Variants in MAGI1 observed in about 807,000 individuals in gnomAD.
The protein encoded by MAGI1 is membrane associated guanylate kinase, WW and PDZ domain containing 1, also known as membrane-associated guanylate kinase, WW and PDZ domain-containing protein 1.
In MAGI1, 58 loss-of-function variants were observed where a neutral mutation model predicts 139.9. The ratio of observed to expected loss-of-function variants is 0.41; its 90% confidence interval spans 0.34 to 0.52. MAGI1 has a LOEUF of 0.52. Among genes scored for constraint, MAGI1 ranks in the 20% least tolerant of loss-of-function variants. The pLI, the probability that MAGI1 is intolerant of heterozygous loss-of-function variation, is 0.12. For missense variants in MAGI1, 1,874 were observed against 1,901.6 expected (o/e 0.99, Z 0.27); for synonymous variants, 812 against 737.9 (o/e 1.10, Z -1.63).
intron 7 of MAGI1, among the ~76,000 whole-genome samples, chr3:65,443,420 C>G (rs997806728): frequency 6.6e-6 from 1 of 152,192 alleles, no homozygotes; most frequent in African/African-American, 2.4e-5. Flanking sequence ...CCTGTGAAAG[C>G]AGTAACACAG....
chr3:65,410,176 G>A (rs942620016), intron 12 of MAGI1, among the ~76,000 whole-genome samples: 1 of 152,148 alleles, frequency 6.6e-6, no homozygotes, highest in South Asian at 2.1e-4. Context: ...TCCAGAGAAG[G>A]TGTCATTGAA....
chr3:65,783,388 C>G (rs2039091206), intron 1 of MAGI1, among the ~76,000 whole-genome samples: 1 of 152,102 alleles, frequency 6.6e-6, no homozygotes, highest in African/African-American at 2.4e-5. Flanking sequence ...GGGGCTCACG[C>G]CTGTAATCCG....
chr3:65,855,569 C>T (rs1380508760), intron 1 of MAGI1, among the ~76,000 whole-genome samples: 1 of 51,518 alleles, frequency 1.9e-5, no homozygotes, highest in Admixed American at 2.3e-4. Context: ...ACCACTGCAT[C>T]CCTGCCTGGG....
intron 1 of MAGI1, among the ~76,000 whole-genome samples, chr3:65,794,621 T>G (rs2108087895): frequency 6.6e-6 from 1 of 151,758 alleles, no homozygotes; most frequent in Non-Finnish European, 1.5e-5. Flanking sequence ...GAGCCCCCTC[T>G]GCTGTGTAGA....
At chr3:65,419,213 C>T (rs1003592768) in intron 12 of MAGI1, among the ~76,000 whole-genome samples, 1 of 123,086 alleles carries the variant, frequency 8.1e-6, no homozygotes, top group Non-Finnish European at 1.8e-5. Context: ...CATTTTATAA[C>T]ACATTCATAC....
chr3:65,944,576 G>C (rs2063468267), intron 1 of MAGI1, among the ~76,000 whole-genome samples: 1 of 151,722 alleles, frequency 6.6e-6, no homozygotes, highest in African/African-American at 2.4e-5. Flanking sequence ...GCCTTTTTTT[G>C]AGAAAAAGAA....
chr3:65,908,154 G>A (rs1225783823), intron 1 of MAGI1, among the ~76,000 whole-genome samples: 1 of 152,088 alleles, frequency 6.6e-6, no homozygotes, highest in Non-Finnish European at 1.5e-5. Flanking sequence ...ATCAAATATT[G>A]AATATTTTGC....
chr3:65,579,847 CAA>C (rs11398879), intron 2 of MAGI1, among the ~76,000 whole-genome samples: 10 of 122,944 alleles, frequency 8.1e-5, no homozygotes, highest in South Asian at 2.6e-4. Flanking sequence ...AACTCCATCT[CAA>C]AAAAAAAAAA....
At chr3:65,497,176 T>C (rs1952517216) in intron 2 of MAGI1, among the ~76,000 whole-genome samples, 1 of 152,116 alleles carries the variant, frequency 6.6e-6, no homozygotes, top group South Asian at 2.1e-4. Context: ...GAGTGATCAG[T>C]TGATTAGTAA....
chr3:65,441,022 G>A (rs1171642774), intron 8 of MAGI1, among the ~76,000 whole-genome samples: 1 of 151,874 alleles, frequency 6.6e-6, no homozygotes, highest in East Asian at 1.9e-4. Flanking sequence ...GTGCAGTGGT[G>A]CGATCTTGGC....
At chr3:65,708,724 G>A (rs1205513529) in intron 1 of MAGI1, among the ~76,000 whole-genome samples, 1 of 152,100 alleles carries the variant, frequency 6.6e-6, no homozygotes, top group East Asian at 1.9e-4. Flanking sequence ...ACGGGGGAAG[G>A]ACAGAGAAAG....
chr3:65,732,203 T>C (rs1166472697), intron 1 of MAGI1, among the ~76,000 whole-genome samples: 1 of 152,248 alleles, frequency 6.6e-6, no homozygotes, highest in Non-Finnish European at 1.5e-5. Flanking sequence ...CTCTTTTCAA[T>C]GTCTGTGTGC....
At chr3:65,700,124 A>G (rs1277772209) in intron 1 of MAGI1, among the ~76,000 whole-genome samples, 1 of 152,138 alleles carries the variant, frequency 6.6e-6, no homozygotes, top group Admixed American at 6.5e-5. Context: ...GACATTCCTT[A>G]TAAGATGGTT....
At chr3:65,871,301 G>A (rs1328126890) in intron 1 of MAGI1, among the ~76,000 whole-genome samples, 5 of 152,124 alleles carry the variant, frequency 3.3e-5, no homozygotes, top group South Asian at 2.1e-4. Flanking sequence ...ATGCCTCAAG[G>A]TGGGAGTGAG....
At chr3:65,357,359 T>C (rs1349376084) in intron 22 of MAGI1, among the ~76,000 whole-genome samples, 2 of 152,154 alleles carry the variant, frequency 1.3e-5, no homozygotes, top group Non-Finnish European at 2.9e-5. Flanking sequence ...ATGTTCTCCA[T>C]ACCCGAGACA....
chr3:66,023,795 C>T (rs931662484), intron 1 of MAGI1, among the ~76,000 whole-genome samples: 1 of 152,220 alleles, frequency 6.6e-6, no homozygotes, highest in Non-Finnish European at 1.5e-5. Context: ...CACTTCAGGG[C>T]AGAGAATAGA....
chr3:65,400,206 T>C (rs556111333), intron 13 of MAGI1, among the ~76,000 whole-genome samples: 1 of 152,310 alleles, frequency 6.6e-6, no homozygotes, highest in South Asian at 2.1e-4. Flanking sequence ...TGCCTGGACG[T>C]TAACACACAC....
chr3:65,987,655 C>T (rs1410233819), intron 1 of MAGI1, among the ~76,000 whole-genome samples: 1 of 145,686 alleles, frequency 6.9e-6, no homozygotes, highest in Admixed American at 7.0e-5. Context: ...AGTGCAATGG[C>T]ATGATCCCCA....
chr3:65,581,283 A>G (rs1253194610), intron 2 of MAGI1, among the ~76,000 whole-genome samples: 1 of 152,192 alleles, frequency 6.6e-6, no homozygotes, highest in Non-Finnish European at 1.5e-5. Context: ...TGACTTGTAT[A>G]TGAACCTTTA....
Sources: allele counts gnomAD v4.1 joint callset (sites outside exome capture counted in the v4.1 genomes callset), GRCh38; gene constraint gnomAD v4.1.1; transcripts MANE v1.5; gene names NCBI Gene and HGNC (gene_info 2026-07-23, HGNC 2026-07-21).